Variants in CLEC16A observed in about 807,000 individuals in gnomAD.
CLEC16A encodes C-type lectin domain containing 16A.
In CLEC16A, 51 loss-of-function variants were observed where a neutral mutation model predicts 109.5. That is an observed-to-expected ratio of 0.47 (90% CI 0.37 to 0.59). The LOEUF (loss-of-function observed/expected upper bound fraction) is 0.59. Among genes scored for constraint, CLEC16A ranks in the 20% least tolerant of loss-of-function variants. CLEC16A has a pLI of 0.00. For synonymous variants in CLEC16A, 673 were observed against 564.2 expected, an observed-to-expected ratio of 1.19 and a Z score of -2.73; for missense variants, 1,339 against 1,394.0, an observed-to-expected ratio of 0.96 and a Z score of 0.63.
chr16:11,068,817 AATTT>A (rs1469874253), intron 19 of CLEC16A, among the ~76,000 whole-genome samples: 29 of 151,974 alleles, frequency 1.9e-4, no homozygotes, highest in Admixed American at 1.3e-4. Context: ...TAATTTTTAA[AATTT>A]ATTTATTTTT....
chr16:11,106,838 G>T (rs1006957291), intron 19 of CLEC16A, among the ~76,000 whole-genome samples: 1 of 152,196 alleles, frequency 6.6e-6, no homozygotes, highest in Non-Finnish European at 1.5e-5. Flanking sequence ...CTGAAGCAAA[G>T]TCACATGCCC....
intron 19 of CLEC16A, among the ~76,000 whole-genome samples, chr16:11,085,416 C>G (rs1709566331): frequency 6.6e-6 from 1 of 152,272 alleles, no homozygotes; most frequent in Non-Finnish European, 1.5e-5. Flanking sequence ...GGCAAGCAGG[C>G]AGACTCGGCC....
intron 9 of CLEC16A, among the ~76,000 whole-genome samples, chr16:10,982,039 G>A (rs149482076): frequency 1.1e-4 from 17 of 152,368 alleles, no homozygotes; most frequent in East Asian, 7.7e-4. Flanking sequence ...CTATGCATAT[G>A]TAAATAAGCA....
chr16:11,093,207 AGT>A (rs1406686023), intron 19 of CLEC16A, among the ~76,000 whole-genome samples: 2 of 152,182 alleles, frequency 1.3e-5, no homozygotes, highest in East Asian at 1.9e-4. Flanking sequence ...AGCACAGCAG[AGT>A]GAGAGAGAGA....
chr16:11,026,593 ATTG>A (rs1036242179), intron 13 of CLEC16A, among the ~76,000 whole-genome samples: 2 of 121,652 alleles, frequency 1.6e-5, no homozygotes, highest in Admixed American at 1.6e-4. Flanking sequence ...GCTACCCTCT[ATTG>A]TTCTGCTGTT....
In CLEC16A at chr16:11,032,006, C is replaced by G. The variant is rs2046768660; in HGVS notation, c.1537+7085C>G. The stretch of plus-strand genomic sequence containing the variant: ...CAGGCAGACCAACCCAGGCCCTTGC[C>G]CAAGAAAGCATCAGTCATTCTTGGA... On this transcript the variant is annotated intron_variant, in intron 13 of 23. Coordinates refer to ENST00000409790, the MANE Select transcript of CLEC16A (RefSeq NM_015226.3). 2.6e-5 allele frequency among the ~76,000 whole-genome samples: 4 copies of G among 152,198 alleles called. No individual in the cohort carries two copies. The South Asian group carries it at 8.3e-4, about 31-fold the overall frequency.
intron 13 of CLEC16A, among the ~76,000 whole-genome samples, chr16:11,034,996 G>C (rs980379672): frequency 1.3e-5 from 2 of 152,086 alleles, no homozygotes; most frequent in Non-Finnish European, 2.9e-5. Context: ...GCATGCCCCT[G>C]TTACAGGGTG....
chr16:11,083,774 G>C (rs1422687048), intron 19 of CLEC16A, among the ~76,000 whole-genome samples: 1 of 152,244 alleles, frequency 6.6e-6, no homozygotes, highest in African/African-American at 2.4e-5. Flanking sequence ...CCAGCCTCCT[G>C]CTGCCTGTGG....
intron 10 of CLEC16A, among the ~76,000 whole-genome samples, chr16:10,992,804 G>A (rs949203235): frequency 1.3e-5 from 2 of 152,084 alleles, no homozygotes; most frequent in African/African-American, 4.8e-5. Flanking sequence ...TAGACAGTAA[G>A]CCAGCTCATC....
At chr16:11,107,679 A>G (rs974698294) in intron 19 of CLEC16A, among the ~76,000 whole-genome samples, 19 of 152,086 alleles carry the variant, frequency 1.2e-4, no homozygotes, top group Non-Finnish European at 5.9e-5. Context: ...TGATCTGTAG[A>G]ATTTACCAGG....
intron 10 of CLEC16A, among the ~76,000 whole-genome samples, chr16:10,992,440 A>G (rs1027648071): frequency 2.6e-5 from 4 of 151,958 alleles, no homozygotes; most frequent in African/African-American, 7.2e-5. Flanking sequence ...GGCGATGGAT[A>G]TGCTAAGTAC....
intron 11 of CLEC16A, among the ~76,000 whole-genome samples, chr16:11,003,916 T>A (rs374740409): frequency 3.3e-5 from 5 of 150,870 alleles, no homozygotes; most frequent in African/African-American, 1.2e-4. Context: ...GGAGGATCAC[T>A]TGAGCCCAGG....
chr16:10,962,472 A>C lies in CLEC16A; in HGVS notation c.227A>C (p.Asn76Thr). The change falls in exon 3 of 24, where the codon AAT becomes ACT. Residue 76 changes from asparagine (N) to threonine (T), a missense_variant. Physicochemically the swap from Asn to Thr is moderately conservative, Grantham distance 65. Around this residue, in one of 3 missense-constraint regions of CLEC16A, gnomAD observed 117 missense variants for 120.2 expected, o/e 0.97. Transcript: ENST00000409790. ...CTCCCCAGCTTCTTCCTGGAGAAGA[A>C]TATGTTTGTTTTCTTCTTGAACATC... The part of the protein sequence containing the change: ...SSVFDFFLEK[N>T]MFVFFLNILR... 1 of 1,613,922 alleles carries C rather than the reference A, an allele frequency of 6.2e-7. No homozygotes were observed. The highest frequency in any genetic ancestry group is 8.5e-7 in the Non-Finnish European group (1 of 1,179,872).
intron 22 of CLEC16A, among the ~76,000 whole-genome samples, chr16:11,128,669 C>T (rs1346181987): frequency 6.6e-6 from 1 of 152,190 alleles, no homozygotes; most frequent in Non-Finnish European, 1.5e-5. Flanking sequence ...AGTTGAAATC[C>T]CTGAGCCTTG....
chr16:11,016,832 C>T lies in CLEC16A; in HGVS notation c.1304-3361C>T, dbSNP rs185735985. Reference sequence around the variant, plus strand: ...TAAGTACAAAACTATGCAAACAAAGCATTTGTCCACACACCACTTAGAAAG... The same window carrying T: ...TAAGTACAAAACTATGCAAACAAAGTATTTGTCCACACACCACTTAGAAAG... On this transcript the variant is annotated intron_variant, in intron 11 of 23. Transcript: ENST00000409790. Among the ~76,000 whole-genome samples the T allele has an allele frequency of 4.1e-3, 622 of 152,282 alleles. 5 individuals carry two copies. The highest frequency in any genetic ancestry group is 0.014 in the African/African-American group (595 of 41,552).
chr16:10,988,474 G>T (rs550825585), intron 10 of CLEC16A, among the ~76,000 whole-genome samples: 119 of 152,290 alleles, frequency 7.8e-4, no homozygotes, highest in African/African-American at 2.8e-3. Context: ...TGCCAGAGAT[G>T]CCCAGGGAGG....
chr16:10,969,022 C>T (rs1458256777), intron 3 of CLEC16A, 139 bp from the exon 4 acceptor site: 1 of 628,142 alleles, frequency 1.6e-6, no homozygotes, highest in Non-Finnish European at 2.7e-6. Flanking sequence ...AAAAGTTAAG[C>T]TCTTCCCAGT....
intron 13 of CLEC16A, among the ~76,000 whole-genome samples, chr16:11,037,595 C>G (rs28406332): frequency 0.067 from 10,243 of 152,158 alleles, 1,181 homozygotes; most frequent in African/African-American, 0.23. Context: ...CAAAATGGAC[C>G]TCTCTCTGGA....
chr16:11,157,087 A>T lies in CLEC16A; in HGVS notation c.2642-9301A>T, dbSNP rs1287045284. ...TTTTCTTTTCTGCAGGTTTTCAAGG[A>T]TAGTGTTTAAAATCTGAGAGGATTT... On this transcript the variant is annotated intron_variant, in intron 22 of 23. Coordinates refer to ENST00000409790, the MANE Select transcript of CLEC16A (RefSeq NM_015226.3). 3 of 1,304,116 alleles carry T rather than the reference A, an allele frequency of 2.3e-6. No individual in the cohort carries two copies. In the East Asian group the frequency reaches 1.7e-4, roughly 72 times the overall value. The allele number at this position is 1,304,116 out of a possible 1,614,324, so 80.8% of individuals were successfully genotyped here.
Sources: allele counts gnomAD v4.1 joint callset (sites outside exome capture counted in the v4.1 genomes callset), GRCh38; gene constraint gnomAD v4.1.1; regional missense constraint gnomAD v4.1.1; transcripts MANE v1.5; gene names NCBI Gene and HGNC (gene_info 2026-07-23, HGNC 2026-07-21).